KCNH8: variants seen among roughly 807,000 people sequenced by gnomAD.
KCNH8 encodes potassium voltage-gated channel subfamily H member 8, also known as voltage-gated delayed rectifier potassium channel KCNH8.
A neutral mutation model predicts 103.6 loss-of-function variants in KCNH8; 70 were observed. The ratio of observed to expected loss-of-function variants is 0.68; its 90% CI spans 0.56 to 0.82. The LOEUF (loss-of-function observed/expected upper bound fraction) is 0.82, where lower values mean the gene tolerates loss of function less well. Among genes scored for constraint, KCNH8 ranks in the 40% least tolerant of loss-of-function variants. KCNH8 has a pLI of 0.00. For synonymous variants in KCNH8, 498 were observed against 489.4 expected, an observed-to-expected ratio of 1.02 and a Z score of -0.23; for missense variants, 1,217 against 1,329.9, an observed-to-expected ratio of 0.92 and a Z score of 1.32.
chr3:19,445,587 T>C (rs2067351674), intron 8 of KCNH8, among the ~76,000 whole-genome samples: 1 of 151,966 alleles, frequency 6.6e-6, no homozygotes, highest in South Asian at 2.1e-4. Flanking sequence ...AGTTCTTGCC[T>C]TTCATATCAG....
intron 1 of KCNH8, among the ~76,000 whole-genome samples, chr3:19,223,162 G>C (rs767121074): frequency 6.6e-6 from 1 of 152,170 alleles, no homozygotes; most frequent in African/African-American, 2.4e-5. Context: ...ACTTGGGAAA[G>C]AGTTACTAGA....
At chr3:19,298,564 A>G (rs1344932651) in intron 3 of KCNH8, among the ~76,000 whole-genome samples, 1 of 152,222 alleles carries the variant, frequency 6.6e-6, no homozygotes, top group African/African-American at 2.4e-5. Context: ...AGACATACTG[A>G]TACAGAATTC....
At chr3:19,204,193 C>T (rs556797939) in intron 1 of KCNH8, among the ~76,000 whole-genome samples, 1 of 152,140 alleles carries the variant, frequency 6.6e-6, no homozygotes, top group South Asian at 2.1e-4. Flanking sequence ...ATTCTACCGG[C>T]AACTGAAGCT....
intron 3 of KCNH8, among the ~76,000 whole-genome samples, chr3:19,314,376 C>T (rs1461892743): frequency 1.3e-5 from 2 of 151,796 alleles, no homozygotes; most frequent in Non-Finnish European, 2.9e-5. Flanking sequence ...AGATTGAAAG[C>T]ATGGACAGCA....
intron 5 of KCNH8, among the ~76,000 whole-genome samples, chr3:19,349,658 A>G (rs2065773360): frequency 6.6e-6 from 1 of 152,092 alleles, no homozygotes; most frequent in Non-Finnish European, 1.5e-5. Flanking sequence ...TTCTGTTACC[A>G]CATGTTCATT....
chr3:19,157,484 C>A lies in KCNH8; in HGVS notation c.76+8689C>A, dbSNP rs572907990. Among the ~76,000 whole-genome samples the A allele has an allele frequency of 5.9e-5, 9 of 152,110 alleles. No individual in the cohort carries two copies. The East Asian group carries it at 1.5e-3, about 26-fold the overall frequency. On this transcript the variant is annotated intron_variant, in intron 1 of 15. Transcript: ENST00000328405. Reference sequence around the variant, plus strand: ...TGTAATTTTAGGTTTTAGGATACATCATTAATAAAAATTTAGGCCTCTTGT... The same window carrying A: ...TGTAATTTTAGGTTTTAGGATACATAATTAATAAAAATTTAGGCCTCTTGT...
intron 11 of KCNH8, among the ~76,000 whole-genome samples, chr3:19,507,828 G>C (rs376872007): frequency 3.6e-4 from 55 of 152,214 alleles, no homozygotes; most frequent in African/African-American, 1.3e-3. Flanking sequence ...GGCAAGGGCT[G>C]CAAGACAGCA....
chr3:19,344,375 G>A (rs2065701879), intron 4 of KCNH8, among the ~76,000 whole-genome samples: 1 of 151,944 alleles, frequency 6.6e-6, no homozygotes, highest in African/African-American at 2.4e-5. Flanking sequence ...TTTCCCTTTA[G>A]ATTCAACAAA....
chr3:19,255,569 A>T (rs538015739), intron 2 of KCNH8, among the ~76,000 whole-genome samples: 1 of 152,202 alleles, frequency 6.6e-6, no homozygotes, highest in Non-Finnish European at 1.5e-5. Flanking sequence ...TGCTTCGTTG[A>T]TAGGTGCAGC....
At chr3:19,291,503 C>T (rs1341687690) in intron 3 of KCNH8, among the ~76,000 whole-genome samples, 3 of 152,042 alleles carry the variant, frequency 2.0e-5, no homozygotes, top group Non-Finnish European at 4.4e-5. Context: ...CGTTATGTAC[C>T]CAGTAGTCAT....
chr3:19,170,674 A>G (rs1251275690), intron 1 of KCNH8, among the ~76,000 whole-genome samples: 2 of 142,356 alleles, frequency 1.4e-5, no homozygotes, highest in Non-Finnish European at 3.0e-5. Flanking sequence ...ACATATATAT[A>G]CACACACACA....
At chr3:19,227,197 C>A (rs2063942246) in intron 1 of KCNH8, among the ~76,000 whole-genome samples, 1 of 152,240 alleles carries the variant, frequency 6.6e-6, no homozygotes, top group South Asian at 2.1e-4. Context: ...CTGCTCCCCT[C>A]TGTGCTTTCT....
chr3:19,201,304 T>C (rs2063660549), intron 1 of KCNH8, among the ~76,000 whole-genome samples: 1 of 144,236 alleles, frequency 6.9e-6, no homozygotes, highest in African/African-American at 2.5e-5. Context: ...GCTGCTAACA[T>C]TTTTAACACA....
At position 19,513,330 on chromosome 3, in the gene KCNH8, G is replaced by C. The variant is rs750708962; in HGVS notation, c.2435+5G>C. ...ACCCCCAGACCTCAGTCCAAGGTAAGAGTTCATATCATATAACTTTCTCAC... is the reference window on the plus strand; with the variant it reads ...ACCCCCAGACCTCAGTCCAAGGTAACAGTTCATATCATATAACTTTCTCAC... On this transcript the variant is annotated splice_donor_5th_base_variant and intron_variant, in intron 13 of 15. Transcript: ENST00000328405. 3 of 1,581,354 alleles carry C rather than the reference G, an allele frequency of 1.9e-6. No individual in the cohort carries two copies. The highest frequency in any genetic ancestry group is 1.2e-5 in the South Asian group (1 of 84,978).
intron 2 of KCNH8, among the ~76,000 whole-genome samples, chr3:19,273,267 G>T (rs1046198437): frequency 6.6e-6 from 1 of 152,128 alleles, no homozygotes; most frequent in Non-Finnish European, 1.5e-5. Flanking sequence ...CTAAACAATT[G>T]CAAATTTGAA....
chr3:19,449,100 C>A, intron 8 of KCNH8: 1 of 440,048 alleles, frequency 2.3e-6, no homozygotes. Context: ...TGAGGTCCAT[C>A]CTTTCACTCT....
chr3:19,388,140 T>C lies in KCNH8; in HGVS notation c.812-2341T>C, dbSNP rs181084480. On this transcript the variant is annotated intron_variant, in intron 5 of 15. Transcript: ENST00000328405. ...AAACTGTGGTAGATTCCATGGTCAC[T>C]TATTCAAGGAATTTATCCCCTTTAA... Among the ~76,000 whole-genome samples, 591 of 152,250 alleles carry C rather than the reference T, an allele frequency of 3.9e-3. 6 individuals are homozygous for C. The highest frequency in any genetic ancestry group is 0.014 in the African/African-American group (561 of 41,554).
intron 1 of KCNH8, among the ~76,000 whole-genome samples, chr3:19,199,585 AAT>A (rs1343164555): frequency 2.0e-5 from 3 of 149,534 alleles, no homozygotes; most frequent in African/African-American, 7.3e-5. Context: ...ATATAAATAA[AAT>A]ATATGATGTA....
chr3:19,253,720 G>A lies in KCNH8; in HGVS notation c.143G>A (p.Gly48Asp). 6.2e-7 allele frequency: 1 copy of A among 1,613,718 alleles called. No individual in the cohort carries two copies. Among genetic ancestry groups the A allele is most frequent in the Non-Finnish European group, 8.5e-7 (1 of 1,179,910 alleles). Residue 48 changes from glycine (G) to aspartate (D), a missense_variant, in exon 2 of 16, where the codon GGC (glycine) becomes GAC (aspartate). By Grantham distance (94) the Gly-to-Asp change is moderately conservative. Transcript: ENST00000328405. ...KGFPIVYCSD[G>D]FCELAGFART... is the part of the protein sequence containing the mutation. The stretch of plus-strand genomic sequence containing the variant: ...TTCCCCATAGTCTACTGTTCCGATG[G>A]CTTCTGCGAGCTTGCTGGATTTGCC...
Sources: gnomAD v4.1 joint callset for allele counts (sites outside exome capture counted in the v4.1 genomes callset) on GRCh38, gnomAD v4.1.1 for gene constraint, MANE v1.5 for transcripts, NCBI Gene and HGNC (gene_info 2026-07-23, HGNC 2026-07-21) for gene names.